The following PDZRN3 variants were observed in gnomAD, a reference collection of about 807,000 sequenced individuals.
The protein encoded by PDZRN3 is E3 ubiquitin-protein ligase PDZRN3.
Under a neutral mutation model 85.7 loss-of-function variants are expected in PDZRN3, and 38 were observed. The ratio of observed to expected loss-of-function variants is 0.44; its 90% CI spans 0.34 to 0.58. The LOEUF (loss-of-function observed/expected upper bound fraction) is 0.58. Among genes scored for constraint, PDZRN3 ranks in the 20% least tolerant of loss-of-function variants. The pLI is 0.01. For synonymous variants in PDZRN3, 759 were observed against 638.0 expected (o/e 1.19, Z -2.86); for missense variants, 1,629 against 1,506.4 (o/e 1.08, Z -1.35).
chr3:73,513,918 AAGGT>A (rs1331495283), intron 3 of PDZRN3, among the ~76,000 whole-genome samples: 1 of 152,230 alleles, frequency 6.6e-6, no homozygotes, highest in African/African-American at 2.4e-5. Flanking sequence ...TTCTATATAC[AAGGT>A]TTCTATGTCC....
intron 3 of PDZRN3, among the ~76,000 whole-genome samples, chr3:73,457,774 G>A (rs988951358): frequency 6.6e-6 from 1 of 152,120 alleles, no homozygotes; most frequent in Admixed American, 6.5e-5. Context: ...CTTCTAAGAG[G>A]CCCCAGAAAG....
At chr3:73,544,618 T>C (rs1195222437) in intron 3 of PDZRN3, among the ~76,000 whole-genome samples, 1 of 152,148 alleles carries the variant, frequency 6.6e-6, no homozygotes, top group East Asian at 1.9e-4. Flanking sequence ...AGGACACCAC[T>C]CTGTGGTGCC....
intron 3 of PDZRN3, among the ~76,000 whole-genome samples, chr3:73,593,189 T>C (rs1015784876): frequency 1.3e-5 from 2 of 152,154 alleles, no homozygotes; most frequent in Non-Finnish European, 2.9e-5. Context: ...ATATAAAATA[T>C]ATTTGACCTG....
At chr3:73,592,713 T>C (rs1416712045) in intron 3 of PDZRN3, among the ~76,000 whole-genome samples, 1 of 152,042 alleles carries the variant, frequency 6.6e-6, no homozygotes, top group Admixed American at 6.6e-5. Context: ...TAATCCTCAT[T>C]AGAAGAAAGC....
chr3:73,453,404 C>CAAAAAAAAAAAAAAAACAAAAAA (rs1702908488), intron 3 of PDZRN3, among the ~76,000 whole-genome samples: 1 of 97,542 alleles, frequency 1.0e-5, no homozygotes, highest in African/African-American at 3.6e-5. Context: ...GACTTCGTCT[C>CAAAAAAAAAAAAAAAACAAAAAA]AAAAAAAAAA....
chr3:73,516,668 T>A (rs1704261704), intron 3 of PDZRN3, among the ~76,000 whole-genome samples: 1 of 152,154 alleles, frequency 6.6e-6, no homozygotes, highest in Admixed American at 6.5e-5. Flanking sequence ...GTAGGCTGGA[T>A]AAAAAATAGA....
intron 3 of PDZRN3, among the ~76,000 whole-genome samples, chr3:73,583,080 G>A (rs1310775892): frequency 6.6e-6 from 1 of 152,120 alleles, no homozygotes; most frequent in Non-Finnish European, 1.5e-5. Flanking sequence ...TGTCACTGAG[G>A]ACTTGCTACG....
At chr3:73,470,365 G>C (rs1703311971) in intron 3 of PDZRN3, among the ~76,000 whole-genome samples, 1 of 152,112 alleles carries the variant, frequency 6.6e-6, no homozygotes, top group African/African-American at 2.4e-5. Context: ...ATAAAGGATG[G>C]GCTGCTTGAA....
chr3:73,540,199 G>A (rs1279164745), intron 3 of PDZRN3, among the ~76,000 whole-genome samples: 3 of 150,434 alleles, frequency 2.0e-5, no homozygotes, highest in African/African-American at 7.4e-5. Context: ...GAAAAAGTCA[G>A]TATTTCTCAC....
chr3:73,470,498 A>C (rs1357354788), intron 3 of PDZRN3, among the ~76,000 whole-genome samples: 1 of 152,214 alleles, frequency 6.6e-6, no homozygotes, highest in Non-Finnish European at 1.5e-5. Context: ...AACATGATCA[A>C]GGTCACTCAG....
chr3:73,586,210 C>T (rs1422224679), intron 3 of PDZRN3, among the ~76,000 whole-genome samples: 1 of 152,214 alleles, frequency 6.6e-6, no homozygotes, highest in Non-Finnish European at 1.5e-5. Context: ...AAGAAAGGAA[C>T]TCTTTACTCC....
At chr3:73,570,141 AG>A (rs1369088425) in intron 3 of PDZRN3, among the ~76,000 whole-genome samples, 1 of 152,200 alleles carries the variant, frequency 6.6e-6, no homozygotes, top group African/African-American at 2.4e-5. Context: ...AGCAGCATGA[AG>A]GCAGGACTCT....
intron 3 of PDZRN3, among the ~76,000 whole-genome samples, chr3:73,431,041 G>A (rs528111054): frequency 6.6e-6 from 1 of 152,240 alleles, no homozygotes; most frequent in South Asian, 2.1e-4. Flanking sequence ...TATCATAAAA[G>A]CATAAAGAAC....
chr3:73,498,629 G>A (rs1383455729), intron 3 of PDZRN3, among the ~76,000 whole-genome samples: 1 of 151,312 alleles, frequency 6.6e-6, no homozygotes, highest in African/African-American at 2.4e-5. Flanking sequence ...CTGTTGCCCA[G>A]GCTGGAGTGC....
chr3:73,511,662 C>G (rs77781650), intron 3 of PDZRN3, among the ~76,000 whole-genome samples: 2,327 of 152,310 alleles, frequency 0.015, 46 homozygotes, highest in African/African-American at 0.051. Flanking sequence ...CCGTCCACCA[C>G]GCCAGCAGAC....
At chr3:73,582,960 A>G (rs938643126) in intron 3 of PDZRN3, among the ~76,000 whole-genome samples, 3 of 152,008 alleles carry the variant, frequency 2.0e-5, no homozygotes, top group African/African-American at 7.3e-5. Flanking sequence ...ATAGCCTTAC[A>G]TTTTTTGCAT....
At chr3:73,514,358 C>T (rs1031055884) in intron 3 of PDZRN3, among the ~76,000 whole-genome samples, 1 of 152,096 alleles carries the variant, frequency 6.6e-6, no homozygotes, top group Non-Finnish European at 1.5e-5. Flanking sequence ...GTAATCTGTG[C>T]ATGTGTGTAA....
At chr3:73,481,155 T>A (rs920569913) in intron 3 of PDZRN3, among the ~76,000 whole-genome samples, 1 of 152,182 alleles carries the variant, frequency 6.6e-6, no homozygotes, top group African/African-American at 2.4e-5. Flanking sequence ...CTCTAATGAT[T>A]CCTACATGGC....
At chr3:73,471,300 TC>T (rs144927540) in intron 3 of PDZRN3, among the ~76,000 whole-genome samples, 18 of 149,946 alleles carry the variant, frequency 1.2e-4, no homozygotes, top group Admixed American at 2.0e-4. Flanking sequence ...CAAAAAAAGG[TC>T]CCCCCCCAGG....
Sources: gnomAD v4.1 joint callset for allele counts (sites outside exome capture counted in the v4.1 genomes callset) on GRCh38, gnomAD v4.1.1 for gene constraint, MANE v1.5 for transcripts, NCBI Gene and HGNC (gene_info 2026-07-23, HGNC 2026-07-21) for gene names.